The following EDIL3 variants were observed in gnomAD, a reference collection of about 807,000 sequenced individuals.
The protein encoded by EDIL3 is EGF-like repeat and discoidin I-like domain-containing protein 3.
EDIL3 carries 37 observed loss-of-function variants against 67.4 expected under a neutral mutation model. That is an observed-to-expected ratio of 0.55 (90% CI 0.42 to 0.72). EDIL3 has a LOEUF of 0.72. EDIL3 is among the 30% of genes least tolerant of loss of function. The probability of loss-of-function intolerance (pLI) is 0.00; values close to 1 mark genes in which losing one functional copy is unlikely to be tolerated. For missense variants in EDIL3, 527 were observed against 586.3 expected (o/e 0.90, Z 1.04); for synonymous variants, 195 against 196.3 (o/e 0.99, Z 0.05).
intron 2 of EDIL3, among the ~76,000 whole-genome samples, chr5:84,233,542 G>T (rs1055093708): frequency 6.6e-6 from 1 of 152,074 alleles, no homozygotes. Context: ...ATTTCATTGG[G>T]TATCTATATC....
At chr5:84,204,804 TAAA>T (rs11322668) in intron 3 of EDIL3, among the ~76,000 whole-genome samples, 5 of 138,386 alleles carry the variant, frequency 3.6e-5, no homozygotes, top group Non-Finnish European at 4.7e-5. Context: ...GGCCAATATT[TAAA>T]AAAAAAAAAA....
chr5:83,943,353 C>T lies in EDIL3; in HGVS notation c.*66G>A, dbSNP rs1191548082. 3 of 1,579,254 alleles carry T rather than the reference C, an allele frequency of 1.9e-6. No individual in the cohort carries two copies. In the African/African-American group the frequency reaches 4.1e-5, roughly 22 times the overall value. ...ACCATTCAGTTTCCTACAGATTTTG[C>T]ACAGTTCATTCCATGGAGATACTTT... On this transcript the variant is annotated 3_prime_UTR_variant, in exon 11 of 11. Transcript: ENST00000296591.
At chr5:84,189,140 C>G (rs1468113268) in intron 3 of EDIL3, among the ~76,000 whole-genome samples, 1 of 151,892 alleles carries the variant, frequency 6.6e-6, no homozygotes, top group Non-Finnish European at 1.5e-5. Flanking sequence ...ATTAATTTTA[C>G]TTGGTTCTCG....
At chr5:84,117,035 T>A (rs1032838379) in intron 5 of EDIL3, among the ~76,000 whole-genome samples, 14 of 139,422 alleles carry the variant, frequency 1.0e-4, no homozygotes, top group African/African-American at 3.8e-4. Flanking sequence ...TTTTTTTTTT[T>A]TTTTTTTTTT....
At chr5:84,266,328 G>C (rs1169142863) in intron 1 of EDIL3, among the ~76,000 whole-genome samples, 1 of 152,062 alleles carries the variant, frequency 6.6e-6, no homozygotes, top group Admixed American at 6.5e-5. Flanking sequence ...TCCAAACCCT[G>C]AGCCAGCCCC....
At position 84,090,880 on chromosome 5, in the gene EDIL3, G is replaced by A. The variant is rs143885982; in HGVS notation, c.651+15769C>T. On this transcript the variant is annotated intron_variant, in intron 6 of 10. Coordinates refer to ENST00000296591, the MANE Select transcript of EDIL3 (RefSeq NM_005711.5). Reference sequence around the variant, plus strand: ...GGAGAATCGCTTGAACCCGGGAGGCGGAGGTTGCAGTGAGCTGAGATTGCA... The same window carrying A: ...GGAGAATCGCTTGAACCCGGGAGGCAGAGGTTGCAGTGAGCTGAGATTGCA... Among the ~76,000 whole-genome samples the A allele has an allele frequency of 0.015, 2,251 of 151,834 alleles. 93 individuals are homozygous for A. The East Asian group carries it at 0.15, about 10-fold the overall frequency.
intron 3 of EDIL3, among the ~76,000 whole-genome samples, chr5:84,223,393 T>C (rs1427970807): frequency 6.6e-6 from 1 of 151,442 alleles, no homozygotes; most frequent in African/African-American, 2.4e-5. Context: ...TGAGTGTCCA[T>C]TGATTAATTA....
At chr5:84,328,769 T>C (rs1239416125) in intron 1 of EDIL3, among the ~76,000 whole-genome samples, 1 of 152,084 alleles carries the variant, frequency 6.6e-6, no homozygotes, top group Non-Finnish European at 1.5e-5. Context: ...TTCAAGTAAC[T>C]GTCAGCGGTT....
At chr5:84,053,347 G>A (rs1289966665) in intron 9 of EDIL3, among the ~76,000 whole-genome samples, 1 of 152,178 alleles carries the variant, frequency 6.6e-6, no homozygotes, top group African/African-American at 2.4e-5. Flanking sequence ...ATGCCCACAA[G>A]AGAAAGCAGG....
chr5:84,203,962 A>G (rs1161495617), intron 3 of EDIL3, among the ~76,000 whole-genome samples: 1 of 152,216 alleles, frequency 6.6e-6, no homozygotes, highest in African/African-American at 2.4e-5. Context: ...TCTTGCAGAT[A>G]CTGATTCTAT....
intron 6 of EDIL3, among the ~76,000 whole-genome samples, chr5:84,102,898 C>A (rs1561432217): frequency 6.6e-6 from 1 of 151,704 alleles, no homozygotes; most frequent in Non-Finnish European, 1.5e-5. Context: ...CCAAGACAAT[C>A]CTGAAGACAA....
chr5:84,066,798 A>C (rs930556504), intron 6 of EDIL3, among the ~76,000 whole-genome samples, 192 bp from the exon 7 acceptor site: 2 of 152,224 alleles, frequency 1.3e-5, no homozygotes, highest in African/African-American at 4.8e-5. Flanking sequence ...GTAATGGAAT[A>C]CTATTTTTAA....
chr5:84,368,792 G>A (rs1747788902), intron 1 of EDIL3, among the ~76,000 whole-genome samples: 1 of 151,830 alleles, frequency 6.6e-6, no homozygotes. Flanking sequence ...AAAACAACTC[G>A]ATTCAAAAAT....
chr5:84,204,166 A>C (rs1830746895), intron 3 of EDIL3, among the ~76,000 whole-genome samples: 1 of 152,172 alleles, frequency 6.6e-6, no homozygotes, highest in Admixed American at 6.5e-5. Flanking sequence ...AATAAGAATT[A>C]ATTCAATTTT....
At chr5:84,047,784 C>T (rs1746249548) in intron 9 of EDIL3, 1 of 151,952 alleles carries the variant, frequency 6.6e-6, no homozygotes, top group African/African-American at 2.4e-5. Context: ...ATATTTTGTA[C>T]CTCAAATTAT....
At chr5:84,343,438 T>A (rs1435352880) in intron 1 of EDIL3, among the ~76,000 whole-genome samples, 1 of 152,144 alleles carries the variant, frequency 6.6e-6, no homozygotes, top group Non-Finnish European at 1.5e-5. Context: ...ACATTCATGC[T>A]TTGTCAGTAA....
chr5:84,278,477 C>CT (rs1323328704), intron 1 of EDIL3, among the ~76,000 whole-genome samples: 6 of 152,112 alleles, frequency 3.9e-5, no homozygotes, highest in Non-Finnish European at 8.8e-5. Context: ...TAGCTAAAAA[C>CT]TCTGATTTCT....
chr5:84,095,992 C>T (rs1747255623), intron 6 of EDIL3, among the ~76,000 whole-genome samples: 2 of 152,184 alleles, frequency 1.3e-5, no homozygotes, highest in African/African-American at 4.8e-5. Context: ...ACAAATTTCA[C>T]ATACGGATTT....
intron 4 of EDIL3, among the ~76,000 whole-genome samples, chr5:84,139,209 C>A (rs949821838): frequency 1.3e-5 from 2 of 151,438 alleles, no homozygotes; most frequent in African/African-American, 2.4e-5. Context: ...TTCACTCCAG[C>A]CTGGGCAACA....
Sources: gnomAD v4.1 joint callset for allele counts (sites outside exome capture counted in the v4.1 genomes callset) on GRCh38, gnomAD v4.1.1 for gene constraint, MANE v1.5 for transcripts, NCBI Gene and HGNC (gene_info 2026-07-23, HGNC 2026-07-21) for gene names.